The following GRIA1 variants were observed in gnomAD, a reference collection of about 807,000 sequenced individuals.
GRIA1 encodes glutamate receptor 1.
GRIA1 carries 31 observed loss-of-function variants against 99.2 expected under a neutral mutation model. The ratio of observed to expected loss-of-function variants is 0.31; its 90% CI spans 0.23 to 0.42. GRIA1 has a LOEUF of 0.42. GRIA1 is among the 10% of genes least tolerant of loss of function. The probability of loss-of-function intolerance (pLI) is 1.00; values close to 1 mark genes in which losing one functional copy is unlikely to be tolerated. For missense variants in GRIA1, 782 were observed against 1,157.5 expected (o/e 0.68, Z 4.71); for synonymous variants, 438 against 432.4 (o/e 1.01, Z -0.16).
At chr5:153,788,422 G>A (rs137933239) in intron 13 of GRIA1, among the ~76,000 whole-genome samples, 51 of 152,136 alleles carry the variant, frequency 3.4e-4, no homozygotes, top group African/African-American at 1.2e-3. Context: ...GGTTTAAAAG[G>A]GTCTGTCATT....
At chr5:153,530,431 C>A (rs1261831521) in intron 2 of GRIA1, among the ~76,000 whole-genome samples, 1 of 152,222 alleles carries the variant, frequency 6.6e-6, no homozygotes. Flanking sequence ...CTGACTGCCT[C>A]CATCTTGGTT....
chr5:153,493,740 AAAG>A (rs1649625504), intron 1 of GRIA1, among the ~76,000 whole-genome samples, 185 bp from the exon 2 acceptor site: 1 of 152,180 alleles, frequency 6.6e-6, no homozygotes. Context: ...ATGTCACAAA[AAAG>A]CTCATCTGTA....
intron 11 of GRIA1, among the ~76,000 whole-genome samples, chr5:153,728,441 C>A (rs1019513758): frequency 7.2e-6 from 1 of 138,638 alleles, no homozygotes; most frequent in Non-Finnish European, 1.5e-5. Context: ...TCAGAGTGAA[C>A]AGGCAACCTA....
At chr5:153,700,257 C>A (rs1758422504) in intron 10 of GRIA1, among the ~76,000 whole-genome samples, 1 of 152,136 alleles carries the variant, frequency 6.6e-6, no homozygotes, top group Non-Finnish European at 1.5e-5. Flanking sequence ...TGGTGGCGGG[C>A]ACCTGTAATC....
chr5:153,747,575 G>A (rs1762243116), intron 11 of GRIA1, among the ~76,000 whole-genome samples: 1 of 152,182 alleles, frequency 6.6e-6, no homozygotes, highest in Admixed American at 6.5e-5. Flanking sequence ...AGAGAACAGT[G>A]GCTATGATGG....
At position 153,779,598 on chromosome 5, in the gene GRIA1, T is replaced by C. The variant is rs560832560; in HGVS notation, c.2270+9183T>C. On this transcript the variant is annotated intron_variant, in intron 13 of 15. Coordinates refer to ENST00000285900, the MANE Select transcript of GRIA1 (RefSeq NM_000827.4). ...TTTTTGAGATGGAGTTTCACTCTTT[T>C]TGCCCAGGCTAGAGTGCAATGGCGC... 1.4e-4 allele frequency among the ~76,000 whole-genome samples: 22 copies of C among 152,336 alleles called. No homozygotes were observed. In the East Asian group the frequency reaches 4.0e-3, roughly 28 times the overall value.
chr5:153,495,961 A>G (rs528949202), intron 2 of GRIA1, among the ~76,000 whole-genome samples: 2 of 152,314 alleles, frequency 1.3e-5, no homozygotes, highest in South Asian at 2.1e-4. Context: ...TAGCTTTTGT[A>G]TTACTTGCAT....
chr5:153,755,343 G>C (rs72804608), intron 11 of GRIA1: 7,684 of 152,334 alleles, frequency 0.05, 276 homozygotes, highest in Non-Finnish European at 0.074. Flanking sequence ...GAGGCAAGAA[G>C]TCCAGTTCAC....
Position 153,660,642 on chromosome 5 carries a change from T to C in GRIA1, c.699+4770T>C, listed in dbSNP as rs370743238. Among the ~76,000 whole-genome samples the C allele has an allele frequency of 4.8e-4, 73 of 152,296 alleles. 2 individuals are homozygous for C. The South Asian group carries it at 0.011, about 23-fold the overall frequency. On this transcript the variant is annotated intron_variant, in intron 5 of 15. Transcript: ENST00000285900. ...TCCAACCCAGGCTCTCAAATTCCCA[T>C]TGGACATCTGTCTCACCATTTACTC...
At chr5:153,750,673 G>A (rs573591386) in intron 11 of GRIA1, among the ~76,000 whole-genome samples, 38 of 152,108 alleles carry the variant, frequency 2.5e-4, no homozygotes, top group Non-Finnish European at 4.4e-4. Context: ...CTCACACTGT[G>A]TGCATACCTC....
chr5:153,807,596 T>C (rs1766521677), intron 15 of GRIA1, among the ~76,000 whole-genome samples: 2 of 152,126 alleles, frequency 1.3e-5, no homozygotes, highest in South Asian at 4.1e-4. Flanking sequence ...CCAAGGAGAC[T>C]GGGACACAGA....
intron 2 of GRIA1, among the ~76,000 whole-genome samples, chr5:153,542,233 A>G (rs1759192432): frequency 6.6e-6 from 1 of 152,076 alleles, no homozygotes; most frequent in Non-Finnish European, 1.5e-5. Flanking sequence ...CCAAAGACAA[A>G]CTCATTGTCT....
intron 11 of GRIA1, among the ~76,000 whole-genome samples, chr5:153,732,925 C>CTTT (rs1288005494): frequency 4.7e-5 from 6 of 127,318 alleles, no homozygotes; most frequent in African/African-American, 8.9e-5. Context: ...AGTTAAATTT[C>CTTT]TTTTTTTTTT....
intron 11 of GRIA1, among the ~76,000 whole-genome samples, chr5:153,748,664 G>A (rs1343253425): frequency 1.3e-5 from 2 of 152,140 alleles, no homozygotes; most frequent in Admixed American, 6.5e-5. Flanking sequence ...ATGAAGATGA[G>A]GGGATGATTG....
intron 11 of GRIA1, among the ~76,000 whole-genome samples, chr5:153,758,385 A>G (rs1265729295): frequency 1.3e-5 from 2 of 152,010 alleles, no homozygotes; most frequent in Non-Finnish European, 2.9e-5. Flanking sequence ...AAATTAAAAC[A>G]AAAAAATGGA....
In GRIA1 at chr5:153,511,245, C is replaced by G. The variant is rs147676861; in HGVS notation, c.220+17180C>G. ...GCATAGTTCCCAAAGCAGTGCCTCCCCAAATAAAGGTGAACCCAGGGCTTT... is the reference window on the plus strand; with the variant it reads ...GCATAGTTCCCAAAGCAGTGCCTCCGCAAATAAAGGTGAACCCAGGGCTTT... On this transcript the variant is annotated intron_variant, in intron 2 of 15. Transcript: ENST00000285900. 2.6e-4 allele frequency among the ~76,000 whole-genome samples: 40 copies of G among 152,176 alleles called. No individual in the cohort carries two copies. In the East Asian group the frequency reaches 3.3e-3, roughly 13 times the overall value.
intron 2 of GRIA1, among the ~76,000 whole-genome samples, chr5:153,513,636 C>A (rs1450879673): frequency 3.9e-5 from 6 of 152,098 alleles, no homozygotes; most frequent in African/African-American, 1.4e-4. Flanking sequence ...ACCCACTGAT[C>A]TGTTCTTTGT....
intron 14 of GRIA1, 127 bp downstream of exon 14, chr5:153,794,862 G>A (rs1765545314): frequency 1.6e-6 from 1 of 637,798 alleles, no homozygotes; most frequent in Admixed American, 2.9e-5. Context: ...TAATGTCAAA[G>A]GGAAGCCCTT....
intron 2 of GRIA1, among the ~76,000 whole-genome samples, chr5:153,547,912 G>A (rs1244639219): frequency 1.3e-5 from 2 of 152,104 alleles, no homozygotes; most frequent in Admixed American, 6.5e-5. Flanking sequence ...GGCTATACTA[G>A]GTATAGGTCA....
Sources: allele counts gnomAD v4.1 joint callset (sites outside exome capture counted in the v4.1 genomes callset), GRCh38; gene constraint gnomAD v4.1.1; transcripts MANE v1.5; gene names NCBI Gene and HGNC (gene_info 2026-07-23, HGNC 2026-07-21).